Variants in TEKT5 observed in about 807,000 individuals in gnomAD.
TEKT5 encodes the protein tektin 5.
In TEKT5, 52 loss-of-function variants were observed where a neutral mutation model predicts 48.7. That is an observed-to-expected ratio of 1.07 (90% confidence interval 0.86 to 1.35). TEKT5 has a LOEUF of 1.35. Ranked by LOEUF, TEKT5 falls within the 40% of genes most tolerant of loss-of-function variation. The probability of loss-of-function intolerance (pLI) is 0.00; values close to 1 mark genes in which losing one functional copy is unlikely to be tolerated. For missense variants in TEKT5, 831 were observed against 641.6 expected (o/e 1.30, Z -3.19); for synonymous variants, 318 against 267.6 (o/e 1.19, Z -1.84).
chr16:10,665,892 A>G (rs1329682362), intron 5 of TEKT5, among the ~76,000 whole-genome samples: 2 of 152,198 alleles, frequency 1.3e-5, no homozygotes, highest in East Asian at 3.9e-4. Flanking sequence ...AAACCCACAG[A>G]TAGCAGAGCC....
At chr16:10,652,836 G>GACACAC (rs572998899) in intron 5 of TEKT5, among the ~76,000 whole-genome samples, 350 of 19,620 alleles carry the variant, frequency 0.018, 13 homozygotes, top group African/African-American at 0.026. Flanking sequence ...TACACAGGCA[G>GACACAC]ACACACACAC....
At chr16:10,669,971 G>T (rs961525457) in intron 5 of TEKT5, among the ~76,000 whole-genome samples, 3 of 152,168 alleles carry the variant, frequency 2.0e-5, no homozygotes, top group African/African-American at 7.2e-5. Context: ...TGAGGCCCCG[G>T]GGCAAGCTAT....
intron 5 of TEKT5, among the ~76,000 whole-genome samples, chr16:10,652,054 G>A (rs771356774): frequency 1.5e-4 from 23 of 152,144 alleles, no homozygotes; most frequent in Non-Finnish European, 1.5e-5. Context: ...TTGGGCCAAT[G>A]TCCTATCCTC....
intron 5 of TEKT5, among the ~76,000 whole-genome samples, chr16:10,660,362 T>G (rs1898345329): frequency 6.6e-6 from 1 of 152,010 alleles, no homozygotes; most frequent in African/African-American, 2.4e-5. Context: ...GGTTTCATGT[T>G]AAGTAACTCC....
chr16:10,681,891 C>T, intron 4 of TEKT5, 102 bp downstream of exon 4: 2 of 1,471,656 alleles, frequency 1.4e-6, no homozygotes, highest in Non-Finnish European at 1.9e-6. Flanking sequence ...CCACTTCCCA[C>T]TTAACTGGTG....
chr16:10,627,916 C>A, intron 6 of TEKT5, 117 bp from the exon 7 acceptor site: 1 of 915,570 alleles, frequency 1.1e-6, no homozygotes, highest in East Asian at 2.7e-5. Context: ...AATCTCGGCT[C>A]ACTGCAACCT....
rs188311095 is a variant in TEKT5 at position 10,639,420 on chromosome 16, A to G, written c.1087-3502T>C. 3.3e-3 allele frequency among the ~76,000 whole-genome samples: 501 copies of G among 152,336 alleles called. 11 individuals are homozygous for G. Among genetic ancestry groups the G allele is most frequent in the East Asian group, 7.7e-4 (4 of 5,192 alleles). ...GAATAATAGGAGTGCTGAATTGGAA[A>G]TTAGACCACCAGGGGCCAAATCTTG... On this transcript the variant is annotated intron_variant, in intron 5 of 6. Coordinates refer to ENST00000283025, the MANE Select transcript of TEKT5 (RefSeq NM_144674.2).
At chr16:10,682,601 T>A (rs1027877430) in intron 3 of TEKT5, among the ~76,000 whole-genome samples, 2 of 152,208 alleles carry the variant, frequency 1.3e-5, no homozygotes, top group African/African-American at 4.8e-5. Flanking sequence ...GGGTTGAGAT[T>A]ACAGGCATAA....
Position 10,636,983 on chromosome 16 carries a change from A to ATT in TEKT5, c.1087-1067_1087-1066dup, listed in dbSNP as rs71404408. Among the ~76,000 whole-genome samples the ATT allele has an allele frequency of 2.5e-4, 31 of 123,758 alleles. 2 individuals carry two copies. Among genetic ancestry groups the ATT allele is most frequent in the Middle Eastern group, 4.1e-3 (1 of 244 alleles). The allele number at this position is 123,758 out of a possible 152,430, so 81.2% of individuals were successfully genotyped here. A position where few individuals can be genotyped will look rare whatever the true frequency, so the allele number is the denominator to read the frequency against. ...AGGCACCTGCTGCCTCACCTGGCTG[A>ATT]TTTTTTTTTTTTTTTTTTGACGGAG... On this transcript the variant is annotated intron_variant, in intron 5 of 6. Coordinates refer to ENST00000283025, the MANE Select transcript of TEKT5 (RefSeq NM_144674.2).
At chr16:10,659,998 C>A (rs1898334979) in intron 5 of TEKT5, among the ~76,000 whole-genome samples, 1 of 152,112 alleles carries the variant, frequency 6.6e-6, no homozygotes, top group Admixed American at 6.5e-5. Flanking sequence ...GTCTCCACCA[C>A]TCTCAATACG....
chr16:10,639,082 A>G (rs1024254171), intron 5 of TEKT5, among the ~76,000 whole-genome samples: 1 of 152,170 alleles, frequency 6.6e-6, no homozygotes, highest in Non-Finnish European at 1.5e-5. Context: ...AAGTGGTGGA[A>G]TCACTTGAGC....
chr16:10,665,857 G>C (rs1293444175), intron 5 of TEKT5, among the ~76,000 whole-genome samples: 1 of 152,208 alleles, frequency 6.6e-6, no homozygotes, highest in Non-Finnish European at 1.5e-5. Flanking sequence ...GCCTTTTCCT[G>C]AGAGCTATAG....
chr16:10,635,999 G>C (rs1353280896), intron 5 of TEKT5, 81 bp from the exon 6 acceptor site: 10 of 1,564,160 alleles, frequency 6.4e-6, no homozygotes, highest in African/African-American at 1.4e-5. Context: ...GAGCAAGTCA[G>C]CTAGGTCAGC....
intron 5 of TEKT5, among the ~76,000 whole-genome samples, chr16:10,675,037 G>A (rs1179083406): frequency 6.6e-6 from 1 of 152,044 alleles, no homozygotes; most frequent in Non-Finnish European, 1.5e-5. Context: ...TGTTGGCCAG[G>A]CTGGTCTCAA....
chr16:10,682,575 G>C (rs547597530), intron 3 of TEKT5, among the ~76,000 whole-genome samples: 1 of 152,254 alleles, frequency 6.6e-6, no homozygotes, highest in South Asian at 2.1e-4. Flanking sequence ...TGATCCCCCT[G>C]CCTCAGTTTC....
At chr16:10,688,122 G>T (rs941725752) in intron 3 of TEKT5, among the ~76,000 whole-genome samples, 4 of 152,170 alleles carry the variant, frequency 2.6e-5, no homozygotes, top group African/African-American at 7.2e-5. Flanking sequence ...GTGATAGGTG[G>T]AATTGTGAGA....
intron 5 of TEKT5, among the ~76,000 whole-genome samples, chr16:10,639,697 C>A (rs147462793): frequency 1.2e-4 from 19 of 152,346 alleles, no homozygotes; most frequent in African/African-American, 4.6e-4. Context: ...GAAGCCTCAT[C>A]CCATCCTCCC....
intron 5 of TEKT5, among the ~76,000 whole-genome samples, chr16:10,647,500 C>G (rs1898088830): frequency 6.6e-6 from 1 of 151,250 alleles, no homozygotes; most frequent in Admixed American, 6.6e-5. Flanking sequence ...CAGCAGCCAC[C>G]TGTGGTACGC....
At chr16:10,663,591 G>A (rs1417923661) in intron 5 of TEKT5, among the ~76,000 whole-genome samples, 1 of 152,128 alleles carries the variant, frequency 6.6e-6, no homozygotes, top group African/African-American at 2.4e-5. Flanking sequence ...GCTCCGGAGG[G>A]ACCCGGTCAG....
Sources: gnomAD v4.1 joint callset for allele counts (sites outside exome capture counted in the v4.1 genomes callset) on GRCh38, gnomAD v4.1.1 for gene constraint, MANE v1.5 for transcripts, NCBI Gene and HGNC (gene_info 2026-07-23, HGNC 2026-07-21) for gene names.